KIAA1671: variants seen among roughly 807,000 people sequenced by gnomAD.
KIAA1671 encodes uncharacterized protein KIAA1671.
In KIAA1671, 52 loss-of-function variants were observed where a neutral mutation model predicts 131.2. That is an observed-to-expected ratio of 0.40 (90% CI 0.32 to 0.50). The LOEUF is 0.50. Among genes scored for constraint, KIAA1671 ranks in the 20% least tolerant of loss-of-function variants. The pLI is 0.73. For synonymous variants in KIAA1671, 1,003 were observed against 961.6 expected, an observed-to-expected ratio of 1.04 and a Z score of -0.80; for missense variants, 2,360 against 2,364.2, an observed-to-expected ratio of 1.00 and a Z score of 0.04.
chr22:25,140,850 G>T (rs1932797206), intron 6 of KIAA1671, among the ~76,000 whole-genome samples: 1 of 152,170 alleles, frequency 6.6e-6, no homozygotes, highest in South Asian at 2.1e-4. Context: ...TTTCATATGT[G>T]GTCACTGTCA....
chr22:24,996,368 C>T (rs184458171), intron 1 of KIAA1671, among the ~76,000 whole-genome samples: 2 of 152,074 alleles, frequency 1.3e-5, no homozygotes, highest in South Asian at 2.1e-4. Context: ...TGCACTCACA[C>T]GAGCCTTATG....
intron 1 of KIAA1671, among the ~76,000 whole-genome samples, chr22:25,005,458 C>T (rs1000623247): frequency 2.0e-5 from 3 of 151,850 alleles, no homozygotes; most frequent in East Asian, 1.9e-4. Flanking sequence ...CTAGTTAATA[C>T]GGATGATGGA....
At position 25,029,127 on chromosome 22, in the gene KIAA1671, G is replaced by A. The variant is rs1926126372; in HGVS notation, c.1128G>A (p.Gly376=). The A allele has an allele frequency of 2.1e-6, 3 of 1,462,642 alleles. No homozygotes were observed. The East Asian group carries it at 7.5e-5, about 36-fold the overall frequency. The allele number at this position is 1,462,642 out of a possible 1,614,324, so 90.6% of individuals were successfully genotyped here. A position where few individuals can be genotyped will look rare whatever the true frequency, so the allele number is the denominator to read the frequency against. Residue 376 remains glycine, a synonymous_variant, in exon 3 of 13, where the codon GGG becomes GGA. Coordinates refer to ENST00000358431, the MANE Select transcript of KIAA1671 (RefSeq NM_001145206.2). ...GAGCCCTGGTGGGGGGCTCATCTGGGGTCACCCCCAGCAATGACCAGAGTC... is the reference window on the plus strand; with the variant it reads ...GAGCCCTGGTGGGGGGCTCATCTGGAGTCACCCCCAGCAATGACCAGAGTC... The part of the protein sequence containing the change: ...SPRALVGGSS[G]VTPSNDQSPW...
intron 6 of KIAA1671, among the ~76,000 whole-genome samples, chr22:25,076,015 A>G (rs905737505): frequency 1.3e-5 from 2 of 149,926 alleles, no homozygotes; most frequent in African/African-American, 5.0e-5. Flanking sequence ...ACCTCAGGTG[A>G]TCCACCCGCC....
At chr22:25,142,087 C>G (rs1485525592) in intron 6 of KIAA1671, among the ~76,000 whole-genome samples, 2 of 152,178 alleles carry the variant, frequency 1.3e-5, no homozygotes, top group Non-Finnish European at 2.9e-5. Context: ...ATTAAGAATT[C>G]ATGAGCTGCC....
chr22:25,031,476 G>A (rs1926289636), intron 3 of KIAA1671, among the ~76,000 whole-genome samples: 1 of 150,704 alleles, frequency 6.6e-6, no homozygotes, highest in East Asian at 1.9e-4. Flanking sequence ...GATTACAGGC[G>A]TGAGCCACCA....
intron 1 of KIAA1671, among the ~76,000 whole-genome samples, chr22:25,005,731 A>G (rs1924716023): frequency 6.6e-6 from 1 of 152,148 alleles, no homozygotes; most frequent in South Asian, 2.1e-4. Context: ...TGGGGGAGTA[A>G]TTTGTGGTTA....
chr22:25,027,901 G>A, intron 2 of KIAA1671, 44 bp from the exon 3 acceptor site: 1 of 963,950 alleles, frequency 1.0e-6, no homozygotes, highest in Admixed American at 3.0e-5. Flanking sequence ...CCCAGACACT[G>A]ACTGTTTTCC....
rs1423338516 is a variant in KIAA1671, at chr22:25,185,010, C to T, written c.5233C>T (p.Pro1745Ser). 4.5e-6 allele frequency: 7 copies of T among 1,551,502 alleles called. No individual in the cohort carries two copies. In the East Asian group the frequency reaches 1.5e-4, roughly 32 times the overall value. ...QLHKRPEVDS[P>S]GETPSWAPQP... ...GCACAAGAGGCCAGAGGTGGACAGT[C>T]CTGGCGAGACCCCCAGCTGGGCACC... The change falls in exon 11 of 13, where the codon CCT becomes TCT. Residue 1745 changes from proline (P) to serine (S), a missense_variant. Transcript: ENST00000358431.
intron 1 of KIAA1671, chr22:25,024,569 A>G (rs1925835120): frequency 6.6e-6 from 1 of 152,220 alleles, no homozygotes; most frequent in Non-Finnish European, 1.5e-5. Flanking sequence ...AGCCACAGCT[A>G]GAGTAACTCA....
At chr22:24,958,995 A>AG (rs971622610) in intron 1 of KIAA1671, among the ~76,000 whole-genome samples, 9 of 146,576 alleles carry the variant, frequency 6.1e-5, no homozygotes, top group African/African-American at 2.4e-4. Flanking sequence ...AAAAAAAAAA[A>AG]AAAGAAAAGA....
At chr22:24,953,890 C>T (rs1317317416) in intron 1 of KIAA1671, among the ~76,000 whole-genome samples, 1 of 152,138 alleles carries the variant, frequency 6.6e-6, no homozygotes, top group Non-Finnish European at 1.5e-5. Context: ...AAAACACTTT[C>T]TTTGCACCTT....
At chr22:25,046,088 G>A (rs1210104198) in intron 5 of KIAA1671, among the ~76,000 whole-genome samples, 1 of 152,032 alleles carries the variant, frequency 6.6e-6, no homozygotes, top group African/African-American at 2.4e-5. Flanking sequence ...GATCACTTGA[G>A]GTCAGGAGTT....
intron 10 of KIAA1671, among the ~76,000 whole-genome samples, chr22:25,183,990 C>A (rs1934383906): frequency 6.6e-6 from 1 of 152,264 alleles, no homozygotes; most frequent in South Asian, 2.1e-4. Context: ...CACCGAGTAA[C>A]TGCTGAGGCA....
At chr22:25,163,070 A>G (rs1312999503) in intron 6 of KIAA1671, among the ~76,000 whole-genome samples, 1 of 152,118 alleles carries the variant, frequency 6.6e-6, no homozygotes, top group Non-Finnish European at 1.5e-5. Context: ...GCTCAGGCCT[A>G]TAATCCCAGC....
intron 5 of KIAA1671, among the ~76,000 whole-genome samples, chr22:25,046,377 A>G (rs2145815597): frequency 1.1e-5 from 1 of 90,102 alleles, no homozygotes; most frequent in African/African-American, 9.2e-5. Flanking sequence ...ACAGCCCAAA[A>G]GGGTGTGATG....
rs145201319 is a variant in KIAA1671 at position 24,958,928 on chromosome 22, C to T, written c.-208+6156C>T. Among the ~76,000 whole-genome samples, 23 of 149,864 alleles carry T rather than the reference C, an allele frequency of 1.5e-4. No individual in the cohort carries two copies. The East Asian group carries it at 4.5e-3, about 30-fold the overall frequency. ...CCTGGGAGGTGGAGGTTGCCCTGAGCCGAGATTGTGCCACTGCACTCCAGC... is the reference window on the plus strand; with the variant it reads ...CCTGGGAGGTGGAGGTTGCCCTGAGTCGAGATTGTGCCACTGCACTCCAGC... On this transcript the variant is annotated intron_variant, in intron 1 of 12. Coordinates refer to ENST00000358431, the MANE Select transcript of KIAA1671 (RefSeq NM_001145206.2).
rs1321940592 is a variant in KIAA1671, at chr22:25,193,572, G to C, written c.*1171G>C. 1.3e-5 allele frequency: 2 copies of C among 152,158 alleles called. No homozygotes were observed. Among genetic ancestry groups the C allele is most frequent in the African/African-American group, 4.8e-5 (2 of 41,408 alleles). 9.4% of individuals were successfully genotyped at this position (152,158 alleles called of 1,614,324 possible). A position where few individuals can be genotyped will look rare whatever the true frequency, so the allele number is the denominator to read the frequency against. ...GTCAAAACATGCTTTCCTTCTCCCT[G>C]GCTACCTCTCAGGAGTTCATTTGTC... On this transcript the variant is annotated 3_prime_UTR_variant, in exon 13 of 13. Coordinates refer to ENST00000358431, the MANE Select transcript of KIAA1671 (RefSeq NM_001145206.2).
intron 1 of KIAA1671, among the ~76,000 whole-genome samples, chr22:24,995,027 G>A (rs1207621831): frequency 2.0e-5 from 3 of 149,668 alleles, no homozygotes; most frequent in African/African-American, 4.9e-5. Context: ...GCCTCATCCC[G>A]TCTCTGTTTG....
Sources: gnomAD v4.1 joint callset for allele counts (sites outside exome capture counted in the v4.1 genomes callset) on GRCh38, gnomAD v4.1.1 for gene constraint, MANE v1.5 for transcripts, NCBI Gene and HGNC (gene_info 2026-07-23, HGNC 2026-07-21) for gene names.